The following FHIT variants were observed in gnomAD, a reference collection of about 807,000 sequenced individuals.
The protein encoded by FHIT is bis(5'-adenosyl)-triphosphatase.
Under a neutral mutation model 17.9 loss-of-function variants are expected in FHIT, and 19 were observed. The ratio of observed to expected loss-of-function variants is 1.06; its 90% CI spans 0.74 to 1.56. The LOEUF is 1.56. Among genes scored for constraint, FHIT ranks in the 40% most tolerant of loss-of-function variants. The pLI, the probability that FHIT is intolerant of heterozygous loss-of-function variation, is 0.00. For synonymous variants in FHIT, 81 were observed against 69.7 expected (o/e 1.16, Z -0.81); for missense variants, 248 against 189.2 (o/e 1.31, Z -1.82).
At chr3:61,222,765 A>G (rs2039873322) in intron 1 of FHIT, among the ~76,000 whole-genome samples, 2 of 152,226 alleles carry the variant, frequency 1.3e-5, no homozygotes, top group Admixed American at 1.3e-4. Flanking sequence ...AGCTGTGAAC[A>G]TAACAACAGA....
chr3:60,525,877 T>C (rs1364028091), intron 5 of FHIT, among the ~76,000 whole-genome samples: 3 of 151,828 alleles, frequency 2.0e-5, no homozygotes, highest in Non-Finnish European at 4.4e-5. Flanking sequence ...GAGGCTGAGG[T>C]AGATTGCTTG....
intron 5 of FHIT, among the ~76,000 whole-genome samples, chr3:60,201,314 G>C (rs986591161): frequency 6.6e-6 from 1 of 151,668 alleles, no homozygotes; most frequent in African/African-American, 2.4e-5. Context: ...CTACATTGTG[G>C]GTTTGTATTT....
chr3:60,202,771 G>A (rs1702975629), intron 5 of FHIT, among the ~76,000 whole-genome samples: 1 of 152,062 alleles, frequency 6.6e-6, no homozygotes, highest in Admixed American at 6.6e-5. Flanking sequence ...AGATCAAAAG[G>A]GGGTTTTATG....
chr3:61,102,695 G>A (rs1467588770), intron 2 of FHIT, among the ~76,000 whole-genome samples: 1 of 152,098 alleles, frequency 6.6e-6, no homozygotes, highest in South Asian at 2.1e-4. Context: ...GGACTTTTTT[G>A]GTTGGTAGGC....
intron 4 of FHIT, among the ~76,000 whole-genome samples, chr3:60,610,190 G>A (rs1553672949): frequency 6.6e-6 from 1 of 152,060 alleles, no homozygotes; most frequent in Non-Finnish European, 1.5e-5. Context: ...TTGCATAGTG[G>A]GAAGAGTTAA....
intron 5 of FHIT, among the ~76,000 whole-genome samples, chr3:60,097,733 C>G (rs1054013338): frequency 6.7e-6 from 1 of 150,048 alleles, no homozygotes; most frequent in Non-Finnish European, 1.5e-5. Context: ...TATTATTATA[C>G]TTTAAGTTTT....
At chr3:61,240,297 C>T (rs913042154) in intron 1 of FHIT, among the ~76,000 whole-genome samples, 4 of 152,202 alleles carry the variant, frequency 2.6e-5, no homozygotes, top group African/African-American at 9.7e-5. Flanking sequence ...CAGCAGCTCT[C>T]GTTAACCAGG....
intron 8 of FHIT, among the ~76,000 whole-genome samples, chr3:59,917,957 G>A (rs903838472): frequency 2.0e-5 from 3 of 152,188 alleles, no homozygotes; most frequent in Admixed American, 6.5e-5. Context: ...TTAGCAATCA[G>A]ACAAGGTTTA....
chr3:60,192,176 G>C (rs572278483), intron 5 of FHIT, among the ~76,000 whole-genome samples: 1 of 151,644 alleles, frequency 6.6e-6, no homozygotes, highest in African/African-American at 2.4e-5. Context: ...GCTCGAGCCC[G>C]GGAGGCGGAG....
chr3:61,140,893 A>T (rs2037061774), intron 2 of FHIT, among the ~76,000 whole-genome samples: 1 of 152,180 alleles, frequency 6.6e-6, no homozygotes, highest in Non-Finnish European at 1.5e-5. Flanking sequence ...TGCCATTCTT[A>T]TCTAATGAAA....
At chr3:60,715,088 T>C (rs1422099331) in intron 4 of FHIT, among the ~76,000 whole-genome samples, 5 of 151,964 alleles carry the variant, frequency 3.3e-5, no homozygotes, top group South Asian at 2.1e-4. Flanking sequence ...AAAACAGAGA[T>C]ATAGATCAAT....
intron 5 of FHIT, among the ~76,000 whole-genome samples, chr3:60,291,789 GCA>G (rs1707996982): frequency 6.6e-6 from 1 of 152,044 alleles, no homozygotes; most frequent in African/African-American, 2.4e-5. Flanking sequence ...GGAGATTTGG[GCA>G]CAGTGACCCA....
chr3:60,777,586 T>A (rs1455783965), intron 4 of FHIT, among the ~76,000 whole-genome samples: 1 of 152,188 alleles, frequency 6.6e-6, no homozygotes, highest in Non-Finnish European at 1.5e-5. Flanking sequence ...ATCTCCTGGA[T>A]CTGGAGAGAA....
At chr3:60,369,893 A>G (rs1374952041) in intron 5 of FHIT, among the ~76,000 whole-genome samples, 1 of 152,234 alleles carries the variant, frequency 6.6e-6, no homozygotes, top group African/African-American at 2.4e-5. Context: ...TTAAACCAAT[A>G]CAAAGACAAG....
intron 3 of FHIT, among the ~76,000 whole-genome samples, chr3:60,965,509 G>C (rs144265091): frequency 6.6e-6 from 1 of 152,170 alleles, no homozygotes; most frequent in Admixed American, 6.5e-5. Flanking sequence ...TAGGAGAAGA[G>C]GCACTCTGAT....
Position 60,878,157 on chromosome 3 carries a change from AC to A in FHIT, c.-110-56147del, listed in dbSNP as rs554954276. 3.9e-4 allele frequency among the ~76,000 whole-genome samples: 59 copies of A among 152,144 alleles called. 1 individual carries two copies. Among genetic ancestry groups the A allele is most frequent in the Admixed American group, 2.7e-3 (41 of 15,286 alleles). Reference sequence around the variant, plus strand: ...GGGGTAGAATCACAGCTACAACCTGACCCACTGAATCAAAGCTGGTAGGGGC... The same window carrying A: ...GGGGTAGAATCACAGCTACAACCTGACCACTGAATCAAAGCTGGTAGGGGC... On this transcript the variant is annotated intron_variant, in intron 3 of 9. Transcript: ENST00000492590.
intron 5 of FHIT, among the ~76,000 whole-genome samples, chr3:60,119,270 AC>A (rs1705136357): frequency 6.6e-6 from 1 of 151,758 alleles, no homozygotes; most frequent in African/African-American, 2.4e-5. Context: ...ACAGGGTTTC[AC>A]CATGTTGGCC....
intron 7 of FHIT, among the ~76,000 whole-genome samples, chr3:60,007,220 A>G (rs953027346): frequency 3.9e-5 from 6 of 152,190 alleles, no homozygotes; most frequent in African/African-American, 1.4e-4. Flanking sequence ...CATTTAACTT[A>G]TTAAGCAGCA....
intron 1 of FHIT, among the ~76,000 whole-genome samples, chr3:61,207,322 T>C (rs886884030): frequency 6.6e-6 from 1 of 152,214 alleles, no homozygotes; most frequent in African/African-American, 2.4e-5. Context: ...ATCAGGATGA[T>C]GCTGGCCTCA....
Sources: allele counts gnomAD v4.1 joint callset (sites outside exome capture counted in the v4.1 genomes callset), GRCh38; gene constraint gnomAD v4.1.1; transcripts MANE v1.5; gene names NCBI Gene and HGNC (gene_info 2026-07-23, HGNC 2026-07-21).